SLC28A3: variants seen among roughly 807,000 people sequenced by gnomAD.
SLC28A3 encodes the protein solute carrier family 28 member 3.
SLC28A3 carries 68 observed loss-of-function variants against 84.2 expected under a neutral mutation model. The observed-to-expected ratio is 0.81, with a 90% CI of 0.66 to 0.99. The LOEUF is 0.99. SLC28A3 is among the 50% of genes least tolerant of loss of function. SLC28A3 has a pLI of 0.00. For missense variants in SLC28A3, 712 were observed against 841.5 expected (o/e 0.85, Z 1.90); for synonymous variants, 267 against 303.6 (o/e 0.88, Z 1.25).
At chr9:84,341,035 G>A (rs112876886), upstream of SLC28A3, among the ~76,000 whole-genome samples, 124 of 148,862 alleles carry the variant, frequency 8.3e-4, no homozygotes, top group African/African-American at 2.6e-3. Flanking sequence ...GTGCAGTGAC[G>A]CAATCTCGGT....
intron 1 of SLC28A3, among the ~76,000 whole-genome samples, chr9:84,338,758 A>C (rs1272722805): frequency 6.6e-6 from 1 of 152,142 alleles, no homozygotes; most frequent in Non-Finnish European, 1.5e-5. Context: ...TGGAATCAGA[A>C]TGGGCCCATG....
chr9:84,345,586 A>G (rs1445072905), upstream of SLC28A3, among the ~76,000 whole-genome samples: 1 of 152,178 alleles, frequency 6.6e-6, no homozygotes, highest in Non-Finnish European at 1.5e-5. Context: ...GAATGCAACA[A>G]CATTTGGGGG....
At chr9:84,364,982 G>A in the SLC28A3 span, among the ~76,000 whole-genome samples, 1 of 152,170 alleles carries the variant, frequency 6.6e-6, no homozygotes, top group Non-Finnish European at 1.5e-5. Flanking sequence ...CAACAAACAT[G>A]TGAGTGCCGG....
At chr9:84,318,524 A>C (rs12347389) in intron 1 of SLC28A3, among the ~76,000 whole-genome samples, 16,564 of 152,186 alleles carry the variant, frequency 0.11, 2,949 homozygotes, top group African/African-American at 0.37. Flanking sequence ...ACTTAAAGGA[A>C]GGTTTATAAT....
At chr9:84,360,772 C>T in the SLC28A3 span, among the ~76,000 whole-genome samples, 1 of 151,808 alleles carries the variant, frequency 6.6e-6, no homozygotes, top group Non-Finnish European at 1.5e-5. Flanking sequence ...AAAAAATTAG[C>T]CAGGCATGGT....
chr9:84,345,476 G>A (rs936846783), upstream of SLC28A3, among the ~76,000 whole-genome samples: 2 of 152,284 alleles, frequency 1.3e-5, no homozygotes, highest in African/African-American at 4.8e-5. Flanking sequence ...TTGCAGAAAC[G>A]TGACTCCAAT....
chr9:84,302,214 C>A lies in SLC28A3; in HGVS notation c.510G>T (p.Trp170Cys). 6.2e-7 allele frequency: 1 copy of A among 1,614,046 alleles called. No homozygotes were observed. The highest frequency in any genetic ancestry group is 1.7e-5 in the Admixed American group (1 of 60,028). Residue 170 changes from tryptophan to cysteine, a missense_variant, in exon 5 of 18, where the codon TGG (tryptophan) becomes TGT (cysteine). Trp to Cys is a radical substitution (Grantham distance 215). Transcript: ENST00000376238. ...ATTGCATTTACCACTTCAGCCAGAA[C>A]CAATGGCTGTTTAGAAGCCTTCTGC... ...SPGRRLLNSH[W>C]FWLKWVIWSS...
At chr9:84,307,041 C>G (rs1336114684) in intron 3 of SLC28A3, among the ~76,000 whole-genome samples, 1 of 139,238 alleles carries the variant, frequency 7.2e-6, no homozygotes, top group Non-Finnish European at 1.5e-5. Context: ...ATGGCACAAA[C>G]CTGTGGTCCC....
At chr9:84,285,874 A>G in intron 13 of SLC28A3, 69 bp downstream of exon 13, 1 of 1,516,938 alleles carries the variant, frequency 6.6e-7, no homozygotes, top group Non-Finnish European at 8.9e-7. Flanking sequence ...GCTGTTTACA[A>G]ACCTATTTTA....
chr9:84,314,064 T>C (rs898708648), intron 1 of SLC28A3, among the ~76,000 whole-genome samples: 89 of 152,306 alleles, frequency 5.8e-4, no homozygotes, highest in African/African-American at 2.1e-3. Context: ...CACATCACAC[T>C]GATTTTCAAC....
At position 84,280,093 on chromosome 9, in the gene SLC28A3, G is replaced by A. The variant is rs149063994; in HGVS notation, c.1730-20C>T. ...TGGATGCTGGGAAACATGGAAGGAGGGATGTGAGATCAATGTTGAAGTACT... is the reference window on the plus strand; with the variant it reads ...TGGATGCTGGGAAACATGGAAGGAGAGATGTGAGATCAATGTTGAAGTACT... On this transcript the variant is annotated intron_variant, in intron 15 of 17. Transcript: ENST00000376238. 2.1e-3 allele frequency: 3,317 copies of A among 1,609,304 alleles called. 7 individuals are homozygous for A. The highest frequency in any genetic ancestry group is 2.8e-3 in the Middle Eastern group (17 of 6,054).
chr9:84,323,727 A>C (rs552931966), intron 1 of SLC28A3, among the ~76,000 whole-genome samples: 103 of 152,012 alleles, frequency 6.8e-4, no homozygotes, highest in Non-Finnish European at 1.2e-3. Context: ...CAAGGATATA[A>C]TCGGGCCACT....
chr9:84,347,575 G>A, the SLC28A3 span, among the ~76,000 whole-genome samples: 1 of 152,156 alleles, frequency 6.6e-6, no homozygotes, highest in East Asian at 1.9e-4. Context: ...ATGCAAAAAA[G>A]GCTAATAAAA....
intron 5 of SLC28A3, among the ~76,000 whole-genome samples, chr9:84,300,298 G>A (rs1825578116): frequency 6.6e-6 from 1 of 152,310 alleles, no homozygotes; most frequent in East Asian, 1.9e-4. Flanking sequence ...AGAGGAGATA[G>A]CATGTTTGGA....
intron 3 of SLC28A3, among the ~76,000 whole-genome samples, chr9:84,307,552 A>G (rs762578657): frequency 6.6e-6 from 1 of 152,222 alleles, no homozygotes; most frequent in African/African-American, 2.4e-5. Context: ...ATCATTATGT[A>G]TGTGTGTGAA....
chr9:84,295,608 A>C (rs1825384690), intron 8 of SLC28A3, among the ~76,000 whole-genome samples: 1 of 147,508 alleles, frequency 6.8e-6, no homozygotes, highest in Non-Finnish European at 1.5e-5. Context: ...CAAACAAACA[A>C]AACAAACAAA....
the SLC28A3 span, among the ~76,000 whole-genome samples, chr9:84,354,869 AAAAG>A: frequency 2.6e-4 from 40 of 152,172 alleles, no homozygotes; most frequent in Middle Eastern, 3.4e-3. Context: ...AAAGAAAAAA[AAAAG>A]AAAGAAAGAA....
chr9:84,318,762 G>A (rs900190950), intron 1 of SLC28A3, among the ~76,000 whole-genome samples: 4 of 152,106 alleles, frequency 2.6e-5, no homozygotes, highest in Middle Eastern at 6.8e-3. Context: ...CCAGCTACTC[G>A]GGAGGGTGAG....
the SLC28A3 span, among the ~76,000 whole-genome samples, chr9:84,357,665 C>T: frequency 6.6e-6 from 1 of 152,068 alleles, no homozygotes; most frequent in African/African-American, 2.4e-5. Flanking sequence ...ACTGCCTCCT[C>T]AAAAGGGTTG....
Sources: gnomAD v4.1 joint callset for allele counts (sites outside exome capture counted in the v4.1 genomes callset) on GRCh38, gnomAD v4.1.1 for gene constraint, MANE v1.5 for transcripts, NCBI Gene and HGNC (gene_info 2026-07-23, HGNC 2026-07-21) for gene names.